Variants in CA10 observed in about 807,000 individuals in gnomAD.
The protein encoded by CA10 is carbonic anhydrase-related protein 10.
In CA10, 14 loss-of-function variants were observed where a neutral mutation model predicts 44.2. The ratio of observed to expected loss-of-function variants is 0.32; its 90% CI spans 0.21 to 0.50. The LOEUF is 0.50. Ranked by LOEUF, CA10 falls within the 20% of genes least tolerant of loss-of-function variation. The pLI, the probability that CA10 is intolerant of heterozygous loss-of-function variation, is 0.99. For missense variants in CA10, 350 were observed against 409.7 expected (o/e 0.85, Z 1.26); for synonymous variants, 159 against 141.6 (o/e 1.12, Z -0.87).
intron 6 of CA10, among the ~76,000 whole-genome samples, chr17:51,646,127 G>A (rs1427987734): frequency 1.3e-5 from 2 of 152,204 alleles, no homozygotes; most frequent in Non-Finnish European, 2.9e-5. Flanking sequence ...ATCATTGAAT[G>A]CTTGTTTATT....
chr17:51,735,898 A>G (rs962149243), intron 4 of CA10, among the ~76,000 whole-genome samples: 1 of 125,516 alleles, frequency 8.0e-6, no homozygotes, highest in Non-Finnish European at 1.7e-5. Context: ...AACTCTAGTG[A>G]TTGCAAATCA....
At chr17:52,133,272 G>T (rs762859009) in intron 1 of CA10, among the ~76,000 whole-genome samples, 2 of 152,198 alleles carry the variant, frequency 1.3e-5, no homozygotes, top group Non-Finnish European at 2.9e-5. Context: ...CCCAGCGGTG[G>T]GGCATCCGTC....
intron 3 of CA10, among the ~76,000 whole-genome samples, chr17:51,831,672 G>GCAGCAGCAGCAGCAGCAGCAGCAT (rs1908251447): frequency 2.4e-5 from 1 of 41,578 alleles, no homozygotes; most frequent in African/African-American, 8.9e-5. Flanking sequence ...AGAAAAAGCA[G>GCAGCAGCAGCAGCAGCAGCAGCAT]CAGCAGCAGC....
rs1327968876 is a variant in CA10, at chr17:52,157,735, A to G, written c.52T>C (p.Cys18Arg). 6.2e-7 allele frequency: 1 copy of G among 1,613,974 alleles called. No homozygotes were observed. The highest frequency in any genetic ancestry group is 8.5e-7 in the Non-Finnish European group (1 of 1,179,892). Residue 18 changes from cysteine to arginine, a missense_variant, in exon 1 of 9, where the codon TGC (cysteine) becomes CGC (arginine). By Grantham distance (180) the Cys-to-Arg change is radical (BLOSUM62 -3). Coordinates refer to ENST00000451037, the MANE Select transcript of CA10 (RefSeq NM_020178.5). ...LFLLQANFIV[C>R]ISAQQNSPKI... ...TCGGCGCGTCCCGTACCTGATATGC[A>G]GACGATGAAATTGGCTTGAAGAAGA...
At chr17:51,933,256 G>C (rs901536030) in intron 2 of CA10, among the ~76,000 whole-genome samples, 9 of 152,132 alleles carry the variant, frequency 5.9e-5, no homozygotes, top group African/African-American at 1.9e-4. Context: ...TTTTGGGATG[G>C]AGAGATTATC....
intron 3 of CA10, among the ~76,000 whole-genome samples, chr17:51,869,804 G>A (rs1008425400): frequency 6.6e-6 from 1 of 152,060 alleles, no homozygotes; most frequent in Non-Finnish European, 1.5e-5. Flanking sequence ...AAAATCAAAG[G>A]ACAAGAAAAT....
At chr17:51,751,611 C>T (rs534322695) in intron 3 of CA10, among the ~76,000 whole-genome samples, 4 of 152,258 alleles carry the variant, frequency 2.6e-5, no homozygotes, top group African/African-American at 9.6e-5. Context: ...CCATGTCTTC[C>T]CCAATTCCCA....
In CA10 at chr17:51,799,342, C is replaced by G. The variant is rs1906838728; in HGVS notation, c.280-51524G>C. ...TCTGGTGATTTTAGCTGGATTTGCT[C>G]ATGTTTCTGTGGTTATCTGTAAGTC... is the stretch of plus-strand genomic sequence containing the variant. On this transcript the variant is annotated intron_variant, in intron 3 of 8. Coordinates refer to ENST00000451037, the MANE Select transcript of CA10 (RefSeq NM_020178.5). Among the ~76,000 whole-genome samples, 3 of 152,172 alleles carry G rather than the reference C, an allele frequency of 2.0e-5. No homozygotes were observed. In the South Asian group the frequency reaches 6.2e-4, roughly 32 times the overall value.
intron 1 of CA10, among the ~76,000 whole-genome samples, chr17:52,106,960 G>A (rs138872631): frequency 2.5e-4 from 38 of 152,216 alleles, no homozygotes; most frequent in African/African-American, 8.7e-4. Flanking sequence ...TTATGAGTAC[G>A]GTGGGGAGAC....
chr17:51,954,357 C>A (rs958171637), intron 2 of CA10, among the ~76,000 whole-genome samples: 1 of 152,106 alleles, frequency 6.6e-6, no homozygotes, highest in African/African-American at 2.4e-5. Flanking sequence ...ACAAGCCAAC[C>A]ATCTCTCTCT....
intron 5 of CA10, among the ~76,000 whole-genome samples, chr17:51,649,887 A>AAAAT (rs564872536): frequency 6.6e-6 from 1 of 151,894 alleles, no homozygotes; most frequent in African/African-American, 2.4e-5. Context: ...GGAAAAAAAA[A>AAAAT]AAAACTGAAA....
chr17:52,084,607 C>T (rs963424279), intron 1 of CA10, among the ~76,000 whole-genome samples: 8 of 152,172 alleles, frequency 5.3e-5, no homozygotes, highest in Non-Finnish European at 1.0e-4. Flanking sequence ...AATTTATATT[C>T]CCCACCTGGA....
chr17:52,098,796 A>T (rs1988466455), intron 1 of CA10, among the ~76,000 whole-genome samples: 1 of 152,166 alleles, frequency 6.6e-6, no homozygotes, highest in Non-Finnish European at 1.5e-5. Flanking sequence ...CTTTAGCTGT[A>T]CAAGGGCCCA....
rs1305507501 is a variant in CA10 at position 51,717,537 on chromosome 17, A to G, written c.465+30096T>C. Among the ~76,000 whole-genome samples, 20 of 26,586 alleles carry G rather than the reference A, an allele frequency of 7.5e-4. 1 individual carries two copies. Among genetic ancestry groups the G allele is most frequent in the African/African-American group, 1.3e-3 (19 of 14,248 alleles). The allele number at this position is 26,586 out of a possible 152,430, so 17.4% of individuals were successfully genotyped here. A position where few individuals can be genotyped will look rare whatever the true frequency, so the allele number is the denominator to read the frequency against. On this transcript the variant is annotated intron_variant, in intron 4 of 8. Coordinates refer to ENST00000451037, the MANE Select transcript of CA10 (RefSeq NM_020178.5). ...AGTGGATAAAGAAACTGGTATATATATATATATATATATATATATATATAA... is the reference window on the plus strand; with the variant it reads ...AGTGGATAAAGAAACTGGTATATATGTATATATATATATATATATATATAA...
At chr17:51,837,234 G>A (rs145077378) in intron 3 of CA10, among the ~76,000 whole-genome samples, 67 of 152,202 alleles carry the variant, frequency 4.4e-4, no homozygotes, top group African/African-American at 1.5e-3. Context: ...CTGAGTTAGC[G>A]GGCCTTTGCA....
chr17:51,774,397 T>C (rs571871363), intron 3 of CA10, among the ~76,000 whole-genome samples: 3 of 151,990 alleles, frequency 2.0e-5, no homozygotes, highest in Non-Finnish European at 4.4e-5. Context: ...AGCAATATAA[T>C]GCTAGATTGG....
chr17:51,869,345 G>A (rs1979703519), intron 3 of CA10, among the ~76,000 whole-genome samples: 1 of 152,146 alleles, frequency 6.6e-6, no homozygotes, highest in African/African-American at 2.4e-5. Flanking sequence ...CCTAAGAGCT[G>A]GTCTTCCTGG....
In CA10 at chr17:51,931,037, A is replaced by G. The variant is rs1232260945; in HGVS notation, c.232T>C (p.Phe78Leu). Residue 78 changes from phenylalanine to leucine, a missense_variant, in exon 3 of 9, where the codon TTC (phenylalanine) becomes CTC (leucine). Physicochemically the swap from Phe to Leu is conservative, Grantham distance 22. Transcript: ENST00000451037. The part of the protein sequence containing the change: ...PVNIETSHMI[F>L]DPFLTPLRIN... ...CGAAGAGGTGTCAGAAAGGGGTCGA[A>G]GATCATGTGACTGGTCTCTATGTTG... The G allele has an allele frequency of 6.2e-7, 1 of 1,613,618 alleles. No individual in the cohort carries two copies. The highest frequency in any genetic ancestry group is 8.5e-7 in the Non-Finnish European group (1 of 1,179,662).
chr17:51,954,721 A>C (rs144233051), intron 2 of CA10, among the ~76,000 whole-genome samples: 100 of 152,350 alleles, frequency 6.6e-4, no homozygotes, highest in African/African-American at 2.0e-3. Flanking sequence ...AGGTCATCAA[A>C]GATGCACAGG....
Sources: allele counts gnomAD v4.1 joint callset (sites outside exome capture counted in the v4.1 genomes callset), GRCh38; gene constraint gnomAD v4.1.1; transcripts MANE v1.5; gene names NCBI Gene and HGNC (gene_info 2026-07-23, HGNC 2026-07-21).